MACF1: variants seen among roughly 807,000 people sequenced by gnomAD.
MACF1 encodes microtubule-actin cross-linking factor 1.
MACF1 carries 193 observed loss-of-function variants against 854.8 expected under a neutral mutation model. That is an observed-to-expected ratio of 0.23 (90% CI 0.20 to 0.25). The LOEUF is 0.25. MACF1 is among the 10% of genes least tolerant of loss of function. The probability of loss-of-function intolerance (pLI) is 1.00; values close to 1 mark genes in which losing one functional copy is unlikely to be tolerated. For synonymous variants in MACF1, 3,185 were observed against 3,226.7 expected, an observed-to-expected ratio of 0.99 and a Z score of 0.44; for missense variants, 7,722 against 8,929.1, an observed-to-expected ratio of 0.86 and a Z score of 5.45.
intron 58 of MACF1, among the ~76,000 whole-genome samples, chr1:39,392,615 C>T (rs1642077595): frequency 6.6e-6 from 1 of 152,088 alleles, no homozygotes; most frequent in South Asian, 2.1e-4. Flanking sequence ...CCAGCTAACT[C>T]CATGGGAGCT....
chr1:39,479,685 CT>C, intron 97 of MACF1, 112 bp from the exon 98 acceptor site: 2 of 851,272 alleles, frequency 2.3e-6, no homozygotes, highest in Non-Finnish European at 3.7e-6. Context: ...ACAGATGGTA[CT>C]AAACCCATAT....
At chr1:39,282,160 A>C in intron 6 of MACF1, 48 bp from the exon 7 acceptor site, 1 of 1,591,264 alleles carries the variant, frequency 6.3e-7, no homozygotes, top group South Asian at 1.1e-5. Flanking sequence ...AGGCTAAAAG[A>C]CTTTGTCTTA....
intron 2 of MACF1, among the ~76,000 whole-genome samples, chr1:39,242,221 A>G (rs1344649023): frequency 1.3e-5 from 2 of 152,030 alleles, no homozygotes; most frequent in Non-Finnish European, 2.9e-5. Context: ...GTAGCAGCGC[A>G]TGCCTGTAGT....
At position 39,238,500 on chromosome 1, in the gene MACF1, G is replaced by A. The variant is rs151338938; in HGVS notation, c.171+7257G>A. ...CCTTGGGTTTGGCCCCTAGCTGATT[G>A]TTTCATACTTTGTCTCTAACCGTTG... is the stretch of plus-strand genomic sequence containing the variant. On this transcript the variant is annotated intron_variant, in intron 2 of 100. Coordinates refer to ENST00000564288, the MANE Select transcript of MACF1 (RefSeq NM_001394062.1). Among the ~76,000 whole-genome samples, 43 of 152,288 alleles carry A rather than the reference G, an allele frequency of 2.8e-4. No individual in the cohort carries two copies. The East Asian group carries it at 7.1e-3, about 25-fold the overall frequency.
chr1:39,107,356 T>A (rs1270818172), intron 2 of MACF1, among the ~76,000 whole-genome samples: 1 of 152,060 alleles, frequency 6.6e-6, no homozygotes, highest in Non-Finnish European at 1.5e-5. Flanking sequence ...TCTCACTCAG[T>A]TTGGCTTTCC....
intron 22 of MACF1, among the ~76,000 whole-genome samples, chr1:39,302,228 G>A (rs971074470): frequency 1.3e-5 from 2 of 152,026 alleles, no homozygotes; most frequent in Non-Finnish European, 2.9e-5. Flanking sequence ...GAACTCCTGG[G>A]CTCAAGCAGC....
intron 2 of MACF1, among the ~76,000 whole-genome samples, chr1:39,246,043 G>A (rs747689223): frequency 2.6e-5 from 4 of 152,110 alleles, no homozygotes; most frequent in East Asian, 3.8e-4. Context: ...ATTTGATACC[G>A]GTGATCATTC....
At chr1:39,197,846 A>G (rs1447085718) in intron 2 of MACF1, among the ~76,000 whole-genome samples, 1 of 152,196 alleles carries the variant, frequency 6.6e-6, no homozygotes, top group African/African-American at 2.4e-5. Flanking sequence ...TGATCACACC[A>G]CTGCATTCTG....
At chr1:39,098,645 C>T (rs527835477) in intron 2 of MACF1, among the ~76,000 whole-genome samples, 1 of 152,258 alleles carries the variant, frequency 6.6e-6, no homozygotes, top group African/African-American at 2.4e-5. Context: ...TGACGAGCCA[C>T]GGGAGAGGCC....
chr1:39,436,368 G>A (rs1557653751), intron 70 of MACF1: 9 of 1,084,620 alleles, frequency 8.3e-6, no homozygotes, highest in East Asian at 7.2e-5. Flanking sequence ...CCCACCTTCC[G>A]TCCCATCTCT....
At chr1:39,239,050 G>A (rs1011925389) in intron 2 of MACF1, among the ~76,000 whole-genome samples, 1 of 152,166 alleles carries the variant, frequency 6.6e-6, no homozygotes, top group African/African-American at 2.4e-5. Context: ...GGGAGACCGA[G>A]GGGGTGGATC....
At chr1:39,337,375 A>T (rs746545111) in intron 38 of MACF1, 44 bp downstream of exon 38, 1 of 1,598,526 alleles carries the variant, frequency 6.3e-7, no homozygotes, top group Non-Finnish European at 8.5e-7. Flanking sequence ...GCTTCAAGAT[A>T]GCTGCCTCCA....
intron 35 of MACF1, 40 bp downstream of exon 35, chr1:39,324,774 C>A: frequency 6.9e-7 from 1 of 1,446,590 alleles, no homozygotes. Flanking sequence ...TCTGGGGCAC[C>A]TGGTCTATCA....
intron 2 of MACF1, chr1:39,103,725 G>A (rs539459933): frequency 3.3e-5 from 5 of 152,354 alleles, no homozygotes; most frequent in African/African-American, 1.2e-4. Flanking sequence ...GGAAGGAAAT[G>A]AGCATTTGTC....
chr1:39,199,494 A>G (rs963260209), intron 2 of MACF1, among the ~76,000 whole-genome samples: 1 of 152,034 alleles, frequency 6.6e-6, no homozygotes, highest in Non-Finnish European at 1.5e-5. Flanking sequence ...AAAAAAAGAC[A>G]GAAAAAGCTC....
At chr1:39,112,005 AG>A (rs1400019915) in intron 2 of MACF1, among the ~76,000 whole-genome samples, 1 of 151,830 alleles carries the variant, frequency 6.6e-6, no homozygotes, top group Admixed American at 6.6e-5. Context: ...TAGCAACCTT[AG>A]CAACCCTTCC....
At chr1:39,292,459 A>G (rs961562114) in intron 16 of MACF1, among the ~76,000 whole-genome samples, 3 of 151,692 alleles carry the variant, frequency 2.0e-5, no homozygotes, top group Non-Finnish European at 4.4e-5. Flanking sequence ...TTATATTTCA[A>G]CTCTTCCCTT....
intron 1 of MACF1, among the ~76,000 whole-genome samples, chr1:39,215,759 G>A (rs1020652268): frequency 6.6e-6 from 1 of 151,780 alleles, no homozygotes; most frequent in African/African-American, 2.4e-5. Flanking sequence ...TGTATTTTTA[G>A]CAGAAGTTGG....
chr1:39,481,992 T>A (rs1645020219), intron 99 of MACF1, among the ~76,000 whole-genome samples: 1 of 152,242 alleles, frequency 6.6e-6, no homozygotes, highest in Non-Finnish European at 1.5e-5. Flanking sequence ...CCTGCTTATC[T>A]TGCTTTTCTT....
Sources: gnomAD v4.1 joint callset for allele counts (sites outside exome capture counted in the v4.1 genomes callset) on GRCh38, gnomAD v4.1.1 for gene constraint, MANE v1.5 for transcripts, NCBI Gene and HGNC (gene_info 2026-07-23, HGNC 2026-07-21) for gene names.